Variants in CACNA2D3 observed in about 807,000 individuals in gnomAD.
The protein encoded by CACNA2D3 is voltage-dependent calcium channel subunit alpha-2/delta-3.
CACNA2D3 carries 60 observed loss-of-function variants against 160.6 expected under a neutral mutation model. That is an observed-to-expected ratio of 0.37 (90% CI 0.30 to 0.46). The LOEUF (loss-of-function observed/expected upper bound fraction) is 0.46, where lower values mean the gene tolerates loss of function less well. Ranked by LOEUF, CACNA2D3 falls within the 20% of genes least tolerant of loss-of-function variation. The pLI is 1.00. For missense variants in CACNA2D3, 1,205 were observed against 1,365.0 expected (o/e 0.88, Z 1.85); for synonymous variants, 558 against 492.9 (o/e 1.13, Z -1.75).
Position 54,608,392 on chromosome 3 carries a change from A to G in CACNA2D3, c.964-19395A>G, listed in dbSNP as rs150002475. 7.3e-3 allele frequency among the ~76,000 whole-genome samples: 1,106 copies of G among 152,350 alleles called. 19 individuals carry two copies. The highest frequency in any genetic ancestry group is 0.025 in the African/African-American group (1,024 of 41,586). On this transcript the variant is annotated intron_variant, in intron 9 of 37. Transcript: ENST00000474759. The stretch of plus-strand genomic sequence containing the variant: ...AGCTAATAATTCCTGAATATTTGCT[A>G]GTTTCCAGCCCTTTGCTCATCTCAT...
intron 3 of CACNA2D3, among the ~76,000 whole-genome samples, chr3:54,377,142 A>G (rs1292197873): frequency 6.6e-6 from 1 of 152,242 alleles, no homozygotes; most frequent in African/African-American, 2.4e-5. Context: ...TTTGGCAAAC[A>G]GCTTAATTTC....
At chr3:54,894,912 A>G (rs1700154214) in intron 25 of CACNA2D3, among the ~76,000 whole-genome samples, 1 of 151,502 alleles carries the variant, frequency 6.6e-6, no homozygotes, top group South Asian at 2.1e-4. Flanking sequence ...TAGATAGCAC[A>G]GGGGATCTCT....
intron 5 of CACNA2D3, among the ~76,000 whole-genome samples, chr3:54,551,867 C>T (rs1702163447): frequency 6.6e-6 from 1 of 152,180 alleles, no homozygotes; most frequent in South Asian, 2.1e-4. Flanking sequence ...GCCTTATGTC[C>T]TTTCCAGCCA....
intron 2 of CACNA2D3, among the ~76,000 whole-genome samples, chr3:54,162,739 C>T (rs1215186127): frequency 1.3e-5 from 2 of 152,144 alleles, no homozygotes; most frequent in African/African-American, 4.8e-5. Context: ...AGTGCTGCCC[C>T]AGATCACTCA....
At chr3:54,800,441 A>T (rs954991566) in intron 13 of CACNA2D3, among the ~76,000 whole-genome samples, 9 of 152,228 alleles carry the variant, frequency 5.9e-5, no homozygotes, top group African/African-American at 2.2e-4. Context: ...TTTCAGCCGG[A>T]TGATCACCCA....
chr3:54,704,674 C>T (rs1700824881), intron 11 of CACNA2D3, among the ~76,000 whole-genome samples: 1 of 152,056 alleles, frequency 6.6e-6, no homozygotes, highest in Non-Finnish European at 1.5e-5. Flanking sequence ...GGTGTTTAGG[C>T]CAAGAGACAC....
chr3:54,404,595 C>G (rs114312883), intron 4 of CACNA2D3, among the ~76,000 whole-genome samples: 3,880 of 152,154 alleles, frequency 0.026, 166 homozygotes, highest in African/African-American at 0.089. Context: ...CCCACACTTG[C>G]CACTACTATT....
chr3:54,160,730 C>T (rs1576968539), intron 2 of CACNA2D3, among the ~76,000 whole-genome samples: 2 of 152,182 alleles, frequency 1.3e-5, no homozygotes, highest in African/African-American at 4.8e-5. Flanking sequence ...TGAGACTTCA[C>T]GTTGTTTCAA....
intron 4 of CACNA2D3, among the ~76,000 whole-genome samples, chr3:54,446,918 C>T (rs1278751510): frequency 6.6e-6 from 1 of 152,180 alleles, no homozygotes. Context: ...TCCAGCTCTC[C>T]GACAAGGCCT....
chr3:54,745,275 G>A (rs934087288), intron 11 of CACNA2D3, among the ~76,000 whole-genome samples: 1 of 152,204 alleles, frequency 6.6e-6, no homozygotes, highest in Non-Finnish European at 1.5e-5. Context: ...GTGGGCACTG[G>A]GGTAGAGGGG....
chr3:54,524,294 A>G (rs1204689446), intron 5 of CACNA2D3, among the ~76,000 whole-genome samples: 1 of 152,136 alleles, frequency 6.6e-6, no homozygotes, highest in African/African-American at 2.4e-5. Context: ...TTAGTTTCAC[A>G]TAGTTGTGAA....
chr3:54,518,089 G>A (rs970186423), intron 5 of CACNA2D3, among the ~76,000 whole-genome samples: 1 of 152,160 alleles, frequency 6.6e-6, no homozygotes, highest in Non-Finnish European at 1.5e-5. Flanking sequence ...GACCACATCT[G>A]CAGAGGCTTC....
intron 11 of CACNA2D3, among the ~76,000 whole-genome samples, chr3:54,663,376 C>T (rs754707305): frequency 2.6e-4 from 39 of 152,164 alleles, no homozygotes; most frequent in African/African-American, 8.0e-4. Flanking sequence ...CAGTGTGAGC[C>T]GAGGTGTCCA....
intron 27 of CACNA2D3, among the ~76,000 whole-genome samples, chr3:54,954,507 G>A (rs1385934609): frequency 6.6e-6 from 1 of 152,242 alleles, no homozygotes; most frequent in Non-Finnish European, 1.5e-5. Flanking sequence ...ACATCAGGGT[G>A]CATATCTTTC....
At chr3:54,640,773 C>T (rs1472230239) in intron 10 of CACNA2D3, among the ~76,000 whole-genome samples, 1 of 152,108 alleles carries the variant, frequency 6.6e-6, no homozygotes, top group African/African-American at 2.4e-5. Flanking sequence ...TGCCTAAAAC[C>T]TCCTTGATTT....
chr3:54,720,256 C>T (rs2106985578), intron 11 of CACNA2D3, among the ~76,000 whole-genome samples: 1 of 151,962 alleles, frequency 6.6e-6, no homozygotes, highest in East Asian at 1.9e-4. Flanking sequence ...TATGTATTTA[C>T]AGATACCAAC....
At chr3:54,248,527 C>A (rs13316818) in intron 2 of CACNA2D3, among the ~76,000 whole-genome samples, 1 of 150,930 alleles carries the variant, frequency 6.6e-6, no homozygotes. Flanking sequence ...AAAGGTGGGG[C>A]CCTAATCCTA....
chr3:54,504,852 C>G (rs1447936657), intron 5 of CACNA2D3, among the ~76,000 whole-genome samples: 2 of 152,166 alleles, frequency 1.3e-5, no homozygotes, highest in Non-Finnish European at 2.9e-5. Context: ...GATGCTGCCT[C>G]CGTCAGAGGG....
intron 21 of CACNA2D3, among the ~76,000 whole-genome samples, chr3:54,883,829 T>TCCCTCC (rs1553904223): frequency 6.9e-6 from 1 of 145,704 alleles, no homozygotes; most frequent in Middle Eastern, 3.2e-3. Context: ...CTCTCCTCTC[T>TCCCTCC]CTCCCTTCAA....
Sources: gnomAD v4.1 joint callset for allele counts (sites outside exome capture counted in the v4.1 genomes callset) on GRCh38, gnomAD v4.1.1 for gene constraint, MANE v1.5 for transcripts, NCBI Gene and HGNC (gene_info 2026-07-23, HGNC 2026-07-21) for gene names.